The following DCLRE1C variants were observed in gnomAD, a reference collection of about 807,000 sequenced individuals.
The protein encoded by DCLRE1C is protein artemis.
A neutral mutation model predicts 61.4 loss-of-function variants in DCLRE1C; 47 were observed. The observed-to-expected ratio is 0.77, with a 90% confidence interval of 0.61 to 0.98. DCLRE1C has a LOEUF of 0.98. DCLRE1C is among the 50% of genes least tolerant of loss of function. The probability of loss-of-function intolerance (pLI) is 0.00; values close to 1 mark genes in which losing one functional copy is unlikely to be tolerated. For missense variants in DCLRE1C, 858 were observed against 816.0 expected (o/e 1.05, Z -0.63); for synonymous variants, 337 against 287.6 (o/e 1.17, Z -1.74).
chr10:14,928,446 G>C (rs1261237267), intron 9 of DCLRE1C, among the ~76,000 whole-genome samples: 2 of 152,148 alleles, frequency 1.3e-5, no homozygotes, highest in African/African-American at 4.8e-5. Context: ...GAACGCAATG[G>C]ACGACCCTCA....
chr10:14,917,485 T>C (rs1347236381), intron 13 of DCLRE1C, among the ~76,000 whole-genome samples: 1 of 150,496 alleles, frequency 6.6e-6, no homozygotes, highest in Non-Finnish European at 1.5e-5. Flanking sequence ...CCTGATATAT[T>C]TAAAAAAAAA....
upstream of DCLRE1C, chr10:14,954,278 C>T: frequency 1.8e-6 from 1 of 564,314 alleles, no homozygotes; most frequent in East Asian, 3.1e-5. Flanking sequence ...GGCTCATTCC[C>T]GCCCAACAAA....
chr10:14,948,922 G>A, intron 2 of DCLRE1C, 114 bp downstream of exon 2: 1 of 768,300 alleles, frequency 1.3e-6, no homozygotes, highest in Non-Finnish European at 2.3e-6. Flanking sequence ...CTTAATCTGG[G>A]TGATGCGTTC....
Position 14,923,002 on chromosome 10 carries a change from G to T in DCLRE1C, c.1040C>A (p.Thr347Asn), listed in dbSNP as rs553179231. Residue 347 changes from threonine (T) to asparagine (N), a missense_variant, in exon 12 of 14, where the codon ACT becomes AAT. By Grantham distance (65) the Thr-to-Asn change is moderately conservative. Coordinates refer to ENST00000378278, the MANE Select transcript of DCLRE1C (RefSeq NM_001033855.3). Reference protein sequence around the residue: ...AYPNVIPVGTTMDKVVEILKP... With the variant: ...AYPNVIPVGTNMDKVVEILKP... ...TCACATTTCGACAACTTTATCCATA[G>T]TTGTGCCAACTGGAATGACATTTGG... 5 of 1,613,964 alleles carry T rather than the reference G, an allele frequency of 3.1e-6. No homozygotes were observed. The South Asian group carries it at 5.5e-5, about 18-fold the overall frequency.
rs60410513 is a variant in DCLRE1C at position 14,907,857 on chromosome 10, CTTTTTTTTTTTTTT to C, written c.*537_*550del. On this transcript the variant is annotated 3_prime_UTR_variant, in exon 14 of 14. Transcript: ENST00000378278. Reference sequence around the variant, plus strand: ...GGGTTTAGTTCTACCATTTTTTTTTCTTTTTTTTTTTTTTTTTTTTTGAGACAGAGTTTTGCTCT... The same window carrying C: ...GGGTTTAGTTCTACCATTTTTTTTTCTTTTTTTGAGACAGAGTTTTGCTCT... 5.6e-5 allele frequency: 4 copies of C among 71,958 alleles called. No individual in the cohort carries two copies. The highest frequency in any genetic ancestry group is 1.6e-4 in the African/African-American group (3 of 18,228). The allele number at this position is 71,958 out of a possible 1,614,324, so 4.5% of individuals were successfully genotyped here.
At chr10:14,951,851 G>A (rs1161690470) in intron 1 of DCLRE1C, among the ~76,000 whole-genome samples, 1 of 152,138 alleles carries the variant, frequency 6.6e-6, no homozygotes, top group Admixed American at 6.6e-5. Flanking sequence ...CGCTTTGGGG[G>A]TTAGGGCTTC....
intron 11 of DCLRE1C, 71 bp downstream of exon 11, chr10:14,926,772 G>A: frequency 1.7e-6 from 2 of 1,209,914 alleles, no homozygotes; most frequent in Non-Finnish European, 2.5e-6. Flanking sequence ...AGAGTCAGGG[G>A]ACTACCTGTC....
intron 1 of DCLRE1C, among the ~76,000 whole-genome samples, chr10:14,950,673 C>A (rs41304322): frequency 6.6e-6 from 1 of 152,164 alleles, no homozygotes; most frequent in Non-Finnish European, 1.5e-5. Context: ...AAAGAGTTTG[C>A]GCCATGGCAA....
rs148589881 is a variant in DCLRE1C, at chr10:14,943,083, C to T, written c.246+2022G>A. On this transcript the variant is annotated intron_variant, in intron 3 of 13. Transcript: ENST00000378278. Reference sequence around the variant, plus strand: ...TGGAGGTTGCGGTGAGCTGAGATCACGCCTCTGCGCTCCAGCCTGTGACAG... The same window carrying T: ...TGGAGGTTGCGGTGAGCTGAGATCATGCCTCTGCGCTCCAGCCTGTGACAG... Among the ~76,000 whole-genome samples the T allele has an allele frequency of 8.7e-3, 1,318 of 152,130 alleles. 19 individuals carry two copies. Among genetic ancestry groups the T allele is most frequent in the African/African-American group, 0.03 (1,244 of 41,492 alleles).
intron 10 of DCLRE1C, among the ~76,000 whole-genome samples, chr10:14,927,263 G>A (rs1448656753): frequency 1.3e-5 from 2 of 152,086 alleles, no homozygotes; most frequent in East Asian, 1.9e-4. Context: ...GTACATGCCT[G>A]TAATCCCAGC....
chr10:14,900,015 T>C (rs1833888341), downstream of DCLRE1C, among the ~76,000 whole-genome samples: 1 of 152,206 alleles, frequency 6.6e-6, no homozygotes, highest in South Asian at 2.1e-4. Context: ...TGTCCAAGAA[T>C]TACACAGAAC....
At position 14,928,117 on chromosome 10, in the gene DCLRE1C, A is replaced by T. The variant is rs1346260747; in HGVS notation, c.816T>A (p.Cys272Ter). The change falls in exon 10 of 14, where the codon TGT becomes TGA. Residue 272 changes from cysteine to a stop codon, truncating the protein, a stop_gained. Coordinates refer to ENST00000378278, the MANE Select transcript of DCLRE1C (RefSeq NM_001033855.3). LOFTEE classifies it high-confidence loss of function. ...EEYFQWSKLP[C>*]GITSRNRIPL... ...GAATTCTATTTCTGGAAGTAATTCC[A>T]CAGGGTAATTTGCTCCACTGAAAAT... The T allele has an allele frequency of 6.2e-7, 1 of 1,613,734 alleles. No individual in the cohort carries two copies. Among genetic ancestry groups the T allele is most frequent in the South Asian group, 1.1e-5 (1 of 91,072 alleles).
chr10:14,917,627 C>T (rs942572080), intron 13 of DCLRE1C, among the ~76,000 whole-genome samples: 3 of 152,020 alleles, frequency 2.0e-5, no homozygotes, highest in African/African-American at 7.2e-5. Context: ...AGTCCGAGAC[C>T]AGCTTGGGCA....
At chr10:14,951,339 G>A (rs373676355) in intron 1 of DCLRE1C, among the ~76,000 whole-genome samples, 2 of 130,766 alleles carry the variant, frequency 1.5e-5, no homozygotes, top group Non-Finnish European at 3.1e-5. Flanking sequence ...GCAGTGAGCC[G>A]AGATCGCACC....
chr10:14,918,664 T>G (rs1474544704), intron 13 of DCLRE1C, among the ~76,000 whole-genome samples: 5 of 151,982 alleles, frequency 3.3e-5, no homozygotes, highest in African/African-American at 1.2e-4. Flanking sequence ...CTTAGTAAAT[T>G]TGTAAGGATT....
At chr10:14,917,820 AAAAC>A (rs1191665887) in intron 13 of DCLRE1C, among the ~76,000 whole-genome samples, 5 of 152,208 alleles carry the variant, frequency 3.3e-5, no homozygotes, top group Non-Finnish European at 1.5e-5. Flanking sequence ...GTCTCAAAAC[AAAAC>A]AAACCCAACA....
intron 11 of DCLRE1C, among the ~76,000 whole-genome samples, chr10:14,925,039 G>A (rs1837729069): frequency 6.6e-6 from 1 of 151,584 alleles, no homozygotes; most frequent in Admixed American, 6.6e-5. Flanking sequence ...AAAAATAAAA[G>A]GGCTACTTTA....
At chr10:14,899,935 A>G (rs920266741), downstream of DCLRE1C, among the ~76,000 whole-genome samples, 4 of 152,210 alleles carry the variant, frequency 2.6e-5, no homozygotes, top group African/African-American at 4.8e-5. Flanking sequence ...CTTCATTTAA[A>G]CTTTCTAGTA....
chr10:14,914,548 A>G (rs978892744), intron 13 of DCLRE1C, among the ~76,000 whole-genome samples: 2 of 152,244 alleles, frequency 1.3e-5, no homozygotes, highest in Non-Finnish European at 2.9e-5. Flanking sequence ...ATCCAACAAC[A>G]GTAGTACATA....
Sources: allele counts gnomAD v4.1 joint callset (sites outside exome capture counted in the v4.1 genomes callset), GRCh38; gene constraint gnomAD v4.1.1; transcripts MANE v1.5; gene names NCBI Gene and HGNC (gene_info 2026-07-23, HGNC 2026-07-21).